The following PCYT1A variants were observed in gnomAD, a reference collection of about 807,000 sequenced individuals.
PCYT1A encodes the protein choline-phosphate cytidylyltransferase A.
Under a neutral mutation model 43.7 loss-of-function variants are expected in PCYT1A, and 25 were observed. The ratio of observed to expected loss-of-function variants is 0.57; its 90% CI spans 0.42 to 0.80. The LOEUF (loss-of-function observed/expected upper bound fraction) is 0.80, where lower values mean the gene tolerates loss of function less well. Ranked by LOEUF, PCYT1A falls within the 30% of genes least tolerant of loss-of-function variation. PCYT1A has a pLI of 0.00. For missense variants in PCYT1A, 421 were observed against 474.2 expected (o/e 0.89, Z 1.04); for synonymous variants, 172 against 170.7 (o/e 1.01, Z -0.06).
rs1451538049 is a variant in PCYT1A, at chr3:196,273,006, G to A, written c.-10-2465C>T. On this transcript the variant is annotated intron_variant, in intron 1 of 8. Transcript: ENST00000431016. The surrounding 1 kb of genome is among the most constrained non-coding windows in gnomAD (Gnocchi z 4.1). ...GCCAAGGACAAGCCAGGCACGGAGC[G>A]GCAAGAGGTGCACAGGCGAGCCAGC... is the stretch of plus-strand genomic sequence containing the variant. 6.6e-6 allele frequency among the ~76,000 whole-genome samples: 1 copy of A among 152,174 alleles called. No homozygotes were observed. The highest frequency in any genetic ancestry group is 2.4e-5 in the African/African-American group (1 of 41,442).
chr3:196,239,366 G>A (rs925031485), intron 8 of PCYT1A, among the ~76,000 whole-genome samples, 181 bp downstream of exon 8: 5 of 152,232 alleles, frequency 3.3e-5, no homozygotes, highest in African/African-American at 1.2e-4. Context: ...CTAGGAGAAT[G>A]TGTAACGTCT....
Position 196,238,869 on chromosome 3 carries a change from C to T in PCYT1A, c.923G>A (p.Gly308Asp), listed in dbSNP as rs1183286028. 1 of 1,465,848 alleles carries T rather than the reference C, an allele frequency of 6.8e-7. No homozygotes were observed. The highest frequency in any genetic ancestry group is 9.0e-7 in the Non-Finnish European group (1 of 1,107,560). 90.8% of individuals were successfully genotyped at this position (1,465,848 alleles called of 1,614,324 possible). ...CGGGCTGATGGCCTGCAGCATCCGGCCCTTCCCCTCTTTCAGCATATGTTT... is the reference window on the plus strand; with the variant it reads ...CGGGCTGATGGCCTGCAGCATCCGGTCCTTCCCCTCTTTCAGCATATGTTT... The part of the protein sequence containing the change: ...ALKHMLKEGK[G>D]RMLQAISPKQ... Residue 308 changes from glycine (G) to aspartate (D), a missense_variant, in exon 9 of 9, where the codon GGC (glycine) becomes GAC (aspartate). Transcript: ENST00000431016.
intron 3 of PCYT1A, among the ~76,000 whole-genome samples, chr3:196,253,927 T>C (rs941746798): frequency 3.3e-5 from 5 of 149,796 alleles, no homozygotes; most frequent in Admixed American, 1.3e-4. Flanking sequence ...TAATATAATT[T>C]TTCCTGTTTC....
At chr3:196,267,545 C>T (rs1179594397) in intron 2 of PCYT1A, among the ~76,000 whole-genome samples, 1 of 151,960 alleles carries the variant, frequency 6.6e-6, no homozygotes, top group Admixed American at 6.6e-5. Context: ...GAGACCCCAT[C>T]CCTACAAAAA....
intron 2 of PCYT1A, among the ~76,000 whole-genome samples, chr3:196,259,075 C>T (rs1407122708): frequency 1.3e-5 from 2 of 152,024 alleles, no homozygotes; most frequent in African/African-American, 2.4e-5. Flanking sequence ...TAGAGTGCAG[C>T]GGCACGATCA....
At chr3:196,271,250 C>G (rs1026495869) in intron 1 of PCYT1A, among the ~76,000 whole-genome samples, 5 of 152,028 alleles carry the variant, frequency 3.3e-5, no homozygotes, top group Admixed American at 2.6e-4. Flanking sequence ...AATTCCTGGC[C>G]TCAAGTGATC....
rs533158348 is a variant in PCYT1A, at chr3:196,282,006, T to C, written c.-11+5609A>G. ...ACACCAGGCTGAGAACTTATAAATG[T>C]AAAAGTGAATTTCAAAACATGAGCT... On this transcript the variant is annotated intron_variant, in intron 1 of 8. Coordinates refer to ENST00000431016, the MANE Select transcript of PCYT1A (RefSeq NM_001312673.2). This position sits in a 1 kb window ranked among gnomAD's most constrained non-coding sequence, Gnocchi z 4.3. 6.6e-5 allele frequency among the ~76,000 whole-genome samples: 10 copies of C among 152,340 alleles called. No individual in the cohort carries two copies. In the East Asian group the frequency reaches 1.3e-3, roughly 21 times the overall value.
intron 5 of PCYT1A, among the ~76,000 whole-genome samples, chr3:196,243,836 C>A (rs1212898051): frequency 6.6e-6 from 1 of 152,284 alleles, no homozygotes; most frequent in Non-Finnish European, 1.5e-5. Context: ...TCACTCAGTG[C>A]TCAATGCTGC....
chr3:196,269,233 C>T (rs1725365256), intron 2 of PCYT1A, among the ~76,000 whole-genome samples: 1 of 152,198 alleles, frequency 6.6e-6, no homozygotes, highest in African/African-American at 2.4e-5. Flanking sequence ...TGATCAATAT[C>T]AGCCCTGCAG....
Position 196,238,546 on chromosome 3 carries a change from C to T in PCYT1A, c.*142G>A. 1.7e-6 allele frequency: 1 copy of T among 571,904 alleles called. No homozygotes were observed. The highest frequency in any genetic ancestry group is 3.6e-5 in the Admixed American group (1 of 27,558). The allele number at this position is 571,904 out of a possible 1,614,324, so 35.4% of individuals were successfully genotyped here. ...GCAGGACAGGCTGTTTGGGTTCCCCCAGTCCTAGGTCTTCTTTCCCCAGTT... is the reference window on the plus strand; with the variant it reads ...GCAGGACAGGCTGTTTGGGTTCCCCTAGTCCTAGGTCTTCTTTCCCCAGTT... On this transcript the variant is annotated 3_prime_UTR_variant, in exon 9 of 9. Transcript: ENST00000431016.
chr3:196,253,293 C>T (rs1023726369), intron 3 of PCYT1A, among the ~76,000 whole-genome samples: 29 of 148,952 alleles, frequency 1.9e-4, no homozygotes, highest in Non-Finnish European at 3.1e-4. Context: ...GCTGAGATCG[C>T]GCCACTGCAC....
At chr3:196,241,392 C>A in intron 7 of PCYT1A, 1 of 487,082 alleles carries the variant, frequency 2.1e-6, no homozygotes, top group South Asian at 1.9e-5. Context: ...CGCTATGTTG[C>A]CCCCAGACTG....
chr3:196,237,896 G>C lies in PCYT1A; in HGVS notation c.*792C>G, dbSNP rs1443053713. 6.6e-6 allele frequency: 1 copy of C among 152,208 alleles called. No homozygotes were observed. The highest frequency in any genetic ancestry group is 1.9e-4 in the East Asian group (1 of 5,198). 9.4% of individuals were successfully genotyped at this position (152,208 alleles called of 1,614,324 possible). On this transcript the variant is annotated 3_prime_UTR_variant, in exon 9 of 9. Coordinates refer to ENST00000431016, the MANE Select transcript of PCYT1A (RefSeq NM_001312673.2). ...AAAAGTGTTCCTTCCTTCGAAGGTAGATGGCACGAAAGAGACTGACAAAAG... is the reference window on the plus strand; with the variant it reads ...AAAAGTGTTCCTTCCTTCGAAGGTACATGGCACGAAAGAGACTGACAAAAG...
intron 7 of PCYT1A, 181 bp downstream of exon 7, chr3:196,241,767 G>GT: frequency 8.4e-7 from 1 of 1,188,236 alleles, no homozygotes; most frequent in South Asian, 1.3e-5. Context: ...GTACCAGACC[G>GT]TAACGGCAGA....
intron 3 of PCYT1A, among the ~76,000 whole-genome samples, chr3:196,257,350 C>T (rs1219485517): frequency 2.0e-5 from 3 of 152,164 alleles, no homozygotes; most frequent in Non-Finnish European, 4.4e-5. Flanking sequence ...TGACGAGCAT[C>T]TCCCAACTTG....
rs1725398580 is a variant in PCYT1A, at chr3:196,270,477, G to C, written c.55C>G (p.Pro19Ala). ...VNARKRRKEA[P>A]GPNGATEEDG... ...TCTTCTGTTGCCCCGTTGGGTCCGG[G>C]CGCCTCTTTTCTCCTCTTCCTTGCA... is the stretch of plus-strand genomic sequence containing the variant. Residue 19 changes from proline to alanine, a missense_variant, in exon 2 of 9, where the codon CCC (proline) becomes GCC (alanine). Physicochemically the swap from Pro to Ala is conservative, Grantham distance 27. Transcript: ENST00000431016. The C allele has an allele frequency of 6.2e-7, 1 of 1,614,192 alleles. No homozygotes were observed. Among genetic ancestry groups the C allele is most frequent in the Non-Finnish European group, 8.5e-7 (1 of 1,180,030 alleles).
At position 196,241,935 on chromosome 3, in the gene PCYT1A, G is replaced by A; in HGVS notation, c.708+13C>T. 1 of 1,614,122 alleles carries A rather than the reference G, an allele frequency of 6.2e-7. No individual in the cohort carries two copies. The highest frequency in any genetic ancestry group is 1.1e-5 in the South Asian group (1 of 91,076). On this transcript the variant is annotated intron_variant, in intron 7 of 8. Coordinates refer to ENST00000431016, the MANE Select transcript of PCYT1A (RefSeq NM_001312673.2). ...ACAGAGTCAGGGAACTCTGGGGTAA[G>A]GCTGGAACTCACGTTGATAAAGCTG... is the stretch of plus-strand genomic sequence containing the variant.
At chr3:196,284,535 C>T (rs72611190) in intron 1 of PCYT1A, among the ~76,000 whole-genome samples, 35,800 of 152,074 alleles carry the variant, frequency 0.24, 5,856 homozygotes, top group East Asian at 0.76. Flanking sequence ...AGTCACAGGG[C>T]GAGTAAATGT....
Position 196,248,299 on chromosome 3 carries a change from G to T in PCYT1A, c.242C>A (p.Ala81Asp). 1 of 1,610,086 alleles carries T rather than the reference G, an allele frequency of 6.2e-7. No individual in the cohort carries two copies. Among genetic ancestry groups the T allele is most frequent in the Non-Finnish European group, 8.5e-7 (1 of 1,176,384 alleles). The change falls in exon 4 of 9, where the codon GCC becomes GAC. Residue 81 changes from alanine (A) to aspartate (D), a missense_variant. Around this residue, in one of 3 missense-constraint regions of PCYT1A, gnomAD observed 139 missense variants for 117.7 expected, o/e 1.18. Coordinates refer to ENST00000431016, the MANE Select transcript of PCYT1A (RefSeq NM_001312673.2). ...GTGAAATAAGTCAAATATTCCATCGGCATAAACTCTCACAGGTCGCTCACC... is the reference window on the plus strand; with the variant it reads ...GTGAAATAAGTCAAATATTCCATCGTCATAAACTCTCACAGGTCGCTCACC... ...TPCERPVRVY[A>D]DGIFDLFHSG...
Sources: allele counts gnomAD v4.1 joint callset (sites outside exome capture counted in the v4.1 genomes callset), GRCh38; gene constraint gnomAD v4.1.1; regional missense constraint gnomAD v4.1.1; non-coding constraint Gnocchi (gnomAD v3.1); transcripts MANE v1.5; gene names NCBI Gene and HGNC (gene_info 2026-07-23, HGNC 2026-07-21).